BNC2: variants seen among roughly 807,000 people sequenced by gnomAD.
The protein encoded by BNC2 is basonuclin zinc finger protein 2, also known as zinc finger protein basonuclin-2.
A neutral mutation model predicts 76.3 loss-of-function variants in BNC2; 20 were observed. The observed-to-expected ratio is 0.26, with a 90% confidence interval of 0.18 to 0.38. BNC2 has a LOEUF of 0.38. BNC2 is among the 10% of genes least tolerant of loss of function. The pLI is 1.00. For synonymous variants in BNC2, 582 were observed against 514.8 expected (o/e 1.13, Z -1.77); for missense variants, 1,382 against 1,399.8 (o/e 0.99, Z 0.20).
chr9:16,791,356 C>G (rs149554570), intron 1 of BNC2, among the ~76,000 whole-genome samples: 2 of 152,126 alleles, frequency 1.3e-5, no homozygotes, highest in Admixed American at 1.3e-4. Flanking sequence ...CCACCGCGCC[C>G]GGCCACAATT....
intron 5 of BNC2, among the ~76,000 whole-genome samples, chr9:16,498,222 C>CATATATATATATTCCATCAT (rs1231078898): frequency 1.1e-5 from 1 of 90,780 alleles, no homozygotes; most frequent in Admixed American, 1.1e-4. Context: ...TATATTCCAT[C>CATATATATATATTCCATCAT]ATATATATAT....
chr9:16,736,704 G>A (rs1824681419), intron 2 of BNC2, among the ~76,000 whole-genome samples: 2 of 151,292 alleles, frequency 1.3e-5, no homozygotes, highest in Admixed American at 6.6e-5. Flanking sequence ...TCGAACTCCT[G>A]ACCTTGTGAT....
At chr9:16,646,864 G>A (rs1007160303) in intron 3 of BNC2, among the ~76,000 whole-genome samples, 1 of 152,174 alleles carries the variant, frequency 6.6e-6, no homozygotes, top group Non-Finnish European at 1.5e-5. Flanking sequence ...GGAATCCATA[G>A]AGGGTCTACT....
At chr9:16,794,709 T>A (rs1445980233) in intron 1 of BNC2, among the ~76,000 whole-genome samples, 1 of 152,186 alleles carries the variant, frequency 6.6e-6, no homozygotes, top group Non-Finnish European at 1.5e-5. Context: ...AAAACACAAT[T>A]CCTCAGCTAA....
chr9:16,649,398 G>A (rs1021203020), intron 3 of BNC2, among the ~76,000 whole-genome samples: 2 of 152,194 alleles, frequency 1.3e-5, no homozygotes, highest in Admixed American at 6.5e-5. Flanking sequence ...TCACAAGGGA[G>A]AATCAAGTCC....
chr9:16,672,547 A>C (rs1451060909), intron 3 of BNC2, among the ~76,000 whole-genome samples: 1 of 152,160 alleles, frequency 6.6e-6, no homozygotes, highest in African/African-American at 2.4e-5. Context: ...AGAGCAAAAA[A>C]TCCTAACTGT....
intron 3 of BNC2, among the ~76,000 whole-genome samples, chr9:16,700,245 T>C (rs114789785): frequency 0.012 from 1,852 of 152,268 alleles, 40 homozygotes; most frequent in African/African-American, 0.041. Context: ...ATTTATACCC[T>C]GAAAATTAAC....
At position 16,411,529 on chromosome 9, in the gene BNC2, G is replaced by A. The variant is rs1381249888; in HGVS notation, c.*7460C>T. On this transcript the variant is annotated 3_prime_UTR_variant, in exon 7 of 7. Coordinates refer to ENST00000380672, the MANE Select transcript of BNC2 (RefSeq NM_017637.6). Reference sequence around the variant, plus strand: ...CAGAACTTGTGCAATTTTGGCAACTGGTTTTTCAATTAGGATTCTATTAAG... The same window carrying A: ...CAGAACTTGTGCAATTTTGGCAACTAGTTTTTCAATTAGGATTCTATTAAG... The A allele has an allele frequency of 6.6e-6, 1 of 152,516 alleles. No homozygotes were observed. The highest frequency in any genetic ancestry group is 1.5e-5 in the Non-Finnish European group (1 of 68,028). 9.4% of individuals were successfully genotyped at this position (152,516 alleles called of 1,614,324 possible). A position where few individuals can be genotyped will look rare whatever the true frequency, so the allele number is the denominator to read the frequency against.
At chr9:16,563,432 A>T (rs1258131070) in intron 4 of BNC2, among the ~76,000 whole-genome samples, 1 of 152,116 alleles carries the variant, frequency 6.6e-6, no homozygotes, top group East Asian at 1.9e-4. Flanking sequence ...CAGCCTGGCC[A>T]ACAGAGCGAA....
intron 5 of BNC2, among the ~76,000 whole-genome samples, chr9:16,517,774 A>C: frequency 6.6e-6 from 1 of 152,210 alleles, no homozygotes; most frequent in East Asian, 1.9e-4. Context: ...TAAACACAGT[A>C]AATTGTAGGT....
chr9:16,573,234 A>G (rs1359811955), intron 4 of BNC2, among the ~76,000 whole-genome samples: 4 of 149,576 alleles, frequency 2.7e-5, no homozygotes, highest in Admixed American at 2.0e-4. Flanking sequence ...AAAAAAAAAA[A>G]AAACAGAAAA....
intron 1 of BNC2, among the ~76,000 whole-genome samples, chr9:16,848,937 A>G (rs1384732272): frequency 6.6e-6 from 1 of 152,194 alleles, no homozygotes; most frequent in African/African-American, 2.4e-5. Context: ...TATAAAATAT[A>G]TAAGAAAAAT....
rs766109458 is a variant in BNC2, at chr9:16,435,802, C to A, written c.2392G>T (p.Gly798Cys). The change falls in exon 6 of 7, where the codon GGT becomes TGT. Residue 798 changes from glycine to cysteine, a missense_variant. Gly to Cys is a radical substitution (Grantham distance 159). This residue lies in a region of BNC2 where 798 missense variants were observed against 775.5 expected (regional missense o/e 1.03). Transcript: ENST00000380672. ...TCATGCAAGGCGGCCATGCTGGCAC[C>A]CCCACCATTGTACAGTCCATACTGG... is the stretch of plus-strand genomic sequence containing the variant. ...MSQYGLYNGG[G>C]ASMAALHESF... is the part of the protein sequence containing the mutation. The A allele has an allele frequency of 6.2e-7, 1 of 1,614,038 alleles. No individual in the cohort carries two copies. The highest frequency in any genetic ancestry group is 2.2e-5 in the East Asian group (1 of 44,884).
chr9:16,728,257 C>G, intron 2 of BNC2: 1 of 545,002 alleles, frequency 1.8e-6, no homozygotes, highest in Non-Finnish European at 3.3e-6. Flanking sequence ...CAACCATCAG[C>G]TTCAAACTCT....
At chr9:16,701,938 CAAAAAAAAA>C (rs5896700) in intron 3 of BNC2, among the ~76,000 whole-genome samples, 2 of 91,546 alleles carry the variant, frequency 2.2e-5, no homozygotes, top group Non-Finnish European at 3.8e-5. Context: ...CGAGACTCTC[CAAAAAAAAA>C]AAAAAAAAAA....
At chr9:16,593,173 T>C (rs1413692768) in intron 3 of BNC2, among the ~76,000 whole-genome samples, 1 of 151,910 alleles carries the variant, frequency 6.6e-6, no homozygotes, top group Non-Finnish European at 1.5e-5. Flanking sequence ...TGAAAAAAAT[T>C]ATTTCAGCAA....
intron 5 of BNC2, among the ~76,000 whole-genome samples, chr9:16,467,807 A>G (rs1390639043): frequency 6.8e-6 from 1 of 146,576 alleles, no homozygotes; most frequent in Non-Finnish European, 1.5e-5. Flanking sequence ...CAATGTGCAC[A>G]TGTACCCTAA....
At chr9:16,463,744 C>CA (rs1217180279) in intron 5 of BNC2, among the ~76,000 whole-genome samples, 2 of 151,864 alleles carry the variant, frequency 1.3e-5, no homozygotes, top group African/African-American at 4.8e-5. Context: ...CCTCCAACTA[C>CA]AAAATTCACA....
intron 3 of BNC2, among the ~76,000 whole-genome samples, chr9:16,649,481 T>C (rs1216298707): frequency 6.6e-6 from 1 of 152,046 alleles, no homozygotes; most frequent in African/African-American, 2.4e-5. Context: ...AGAGGAAAAG[T>C]AGGAGCACTG....
Sources: allele counts gnomAD v4.1 joint callset (sites outside exome capture counted in the v4.1 genomes callset), GRCh38; gene constraint gnomAD v4.1.1; regional missense constraint gnomAD v4.1.1; transcripts MANE v1.5; gene names NCBI Gene and HGNC (gene_info 2026-07-23, HGNC 2026-07-21).